Variants in DNAAF9 observed in about 807,000 individuals in gnomAD.
The protein encoded by DNAAF9 is dynein axonemal assembly factor 9.
Under a neutral mutation model 167.0 loss-of-function variants are expected in DNAAF9, and 90 were observed. The ratio of observed to expected loss-of-function variants is 0.54; its 90% CI spans 0.45 to 0.64. DNAAF9 has a LOEUF of 0.64. Among genes scored for constraint, DNAAF9 ranks in the 30% least tolerant of loss-of-function variants. The pLI is 0.00. For synonymous variants in DNAAF9, 491 were observed against 508.8 expected, an observed-to-expected ratio of 0.96 and a Z score of 0.47; for missense variants, 1,315 against 1,442.2, an observed-to-expected ratio of 0.91 and a Z score of 1.43.
At chr20:3,320,319 A>G (rs1397438092) in intron 16 of DNAAF9, among the ~76,000 whole-genome samples, 3 of 152,230 alleles carry the variant, frequency 2.0e-5, no homozygotes, top group African/African-American at 7.2e-5. Flanking sequence ...GTAGGGAGAA[A>G]TCAACAGGGA....
intron 16 of DNAAF9, among the ~76,000 whole-genome samples, chr20:3,318,934 T>A (rs2069557844): frequency 6.7e-6 from 1 of 150,052 alleles, no homozygotes; most frequent in African/African-American, 2.5e-5. Context: ...CAAAAAAAAA[T>A]TAGCCAGGCA....
chr20:3,278,840 G>A (rs1209441019), intron 29 of DNAAF9, 72 bp downstream of exon 29: 6 of 1,140,742 alleles, frequency 5.3e-6, no homozygotes, highest in East Asian at 4.7e-5. Context: ...GTAAGAGCAC[G>A]AAGAAAAGTC....
chr20:3,383,801 C>T (rs114968025), intron 1 of DNAAF9, among the ~76,000 whole-genome samples: 2 of 141,244 alleles, frequency 1.4e-5, no homozygotes, highest in South Asian at 2.2e-4. Flanking sequence ...CCACTGGATT[C>T]TTTTTTTTTT....
rs537312565 is a variant in DNAAF9, at chr20:3,337,000, C to T, written c.981+3504G>A. 7.3e-5 allele frequency among the ~76,000 whole-genome samples: 11 copies of T among 151,612 alleles called. No homozygotes were observed. In the East Asian group the frequency reaches 2.0e-3, roughly 27 times the overall value. On this transcript the variant is annotated intron_variant, in intron 10 of 36. Transcript: ENST00000252032. Reference sequence around the variant, plus strand: ...GTTCACACCGTTCTCCTGCCTCAGCCTCCCAAGTAGCTGGGACTACAGGAG... The same window carrying T: ...GTTCACACCGTTCTCCTGCCTCAGCTTCCCAAGTAGCTGGGACTACAGGAG...
At chr20:3,298,974 T>A (rs943407877) in intron 21 of DNAAF9, among the ~76,000 whole-genome samples, 1 of 148,342 alleles carries the variant, frequency 6.7e-6, no homozygotes. Context: ...AAAAGCATGA[T>A]CTCCGCTCGC....
intron 29 of DNAAF9, among the ~76,000 whole-genome samples, chr20:3,277,701 T>C (rs1466428716): frequency 6.6e-6 from 1 of 152,088 alleles, no homozygotes; most frequent in Non-Finnish European, 1.5e-5. Context: ...GGGTGGATAC[T>C]GTGGATGGAC....
chr20:3,295,392 C>G (rs1371803797), intron 23 of DNAAF9: 1 of 204,404 alleles, frequency 4.9e-6, no homozygotes, highest in African/African-American at 2.4e-5. Flanking sequence ...GTTGGCCAGG[C>G]TGGTCTTGAA....
chr20:3,320,856 G>A (rs1165942031), intron 16 of DNAAF9, among the ~76,000 whole-genome samples: 2 of 152,154 alleles, frequency 1.3e-5, no homozygotes, highest in African/African-American at 4.8e-5. Flanking sequence ...TGGGACCAAA[G>A]CTTTTTCAAA....
chr20:3,358,566 G>A (rs950189200), intron 7 of DNAAF9, among the ~76,000 whole-genome samples: 3 of 152,150 alleles, frequency 2.0e-5, no homozygotes, highest in African/African-American at 7.2e-5. Flanking sequence ...GATAACAGGC[G>A]TGAGCCACTG....
At chr20:3,298,291 G>A in intron 21 of DNAAF9, 116 bp from the exon 22 acceptor site, 1 of 818,856 alleles carries the variant, frequency 1.2e-6, no homozygotes, top group Non-Finnish European at 1.9e-6. Flanking sequence ...ACATTACGTA[G>A]TTCACTGTGG....
At position 3,251,609 on chromosome 20, in the gene DNAAF9, C is replaced by T. The variant is rs2068195994; in HGVS notation, c.*963G>A. 1 of 152,276 alleles carries T rather than the reference C, an allele frequency of 6.6e-6. No homozygotes were observed. Among genetic ancestry groups the T allele is most frequent in the East Asian group, 1.9e-4 (1 of 5,198 alleles). The allele number at this position is 152,276 out of a possible 1,614,324, so 9.4% of individuals were successfully genotyped here. A position where few individuals can be genotyped will look rare whatever the true frequency, so the allele number is the denominator to read the frequency against. On this transcript the variant is annotated 3_prime_UTR_variant, in exon 37 of 37. Coordinates refer to ENST00000252032, the MANE Select transcript of DNAAF9 (RefSeq NM_001009984.3). The stretch of plus-strand genomic sequence containing the variant: ...AGCCACACAAGCCCAGGGCCAGCAA[C>T]AACACTTTGGGGAGCGGGGGGATGA...
At chr20:3,388,968 G>C (rs1047230903) in intron 1 of DNAAF9, among the ~76,000 whole-genome samples, 1 of 152,104 alleles carries the variant, frequency 6.6e-6, no homozygotes, top group Admixed American at 6.6e-5. Context: ...TATTTTTCTT[G>C]TTTTGTTTTG....
intron 29 of DNAAF9, among the ~76,000 whole-genome samples, chr20:3,273,244 T>C (rs1414513518): frequency 6.6e-6 from 1 of 152,196 alleles, no homozygotes; most frequent in Non-Finnish European, 1.5e-5. Context: ...TATTCAGTAA[T>C]GAACACTCTA....
chr20:3,274,849 T>C (rs1235482387), intron 29 of DNAAF9, among the ~76,000 whole-genome samples: 1 of 152,196 alleles, frequency 6.6e-6, no homozygotes, highest in Non-Finnish European at 1.5e-5. Context: ...AACTAAGTCA[T>C]ACAATTTCCA....
intron 4 of DNAAF9, among the ~76,000 whole-genome samples, chr20:3,375,422 G>A (rs536821499): frequency 5.3e-5 from 8 of 152,250 alleles, no homozygotes; most frequent in Admixed American, 2.0e-4. Context: ...AAGTGTTCTT[G>A]ACCAGTATCA....
chr20:3,389,668 G>A (rs2083798954), intron 1 of DNAAF9, among the ~76,000 whole-genome samples: 1 of 151,914 alleles, frequency 6.6e-6, no homozygotes, highest in African/African-American at 2.4e-5. Context: ...AACAGAGAGG[G>A]AAAATTCTTA....
chr20:3,274,856 T>A (rs973180698), intron 29 of DNAAF9, among the ~76,000 whole-genome samples: 1 of 152,162 alleles, frequency 6.6e-6, no homozygotes, highest in African/African-American at 2.4e-5. Flanking sequence ...TCATACAATT[T>A]CCACAAGCCA....
At chr20:3,285,537 G>C (rs187470076) in intron 27 of DNAAF9, among the ~76,000 whole-genome samples, 1 of 152,232 alleles carries the variant, frequency 6.6e-6, no homozygotes, top group South Asian at 2.1e-4. Flanking sequence ...AAATTAGCCA[G>C]GCGTGGTGGT....
chr20:3,323,393 T>C (rs552226716), intron 14 of DNAAF9, among the ~76,000 whole-genome samples: 1 of 149,678 alleles, frequency 6.7e-6, no homozygotes, highest in African/African-American at 2.5e-5. Context: ...GCGATTCTCC[T>C]GCTTCAGCCT....
Sources: gnomAD v4.1 joint callset for allele counts (sites outside exome capture counted in the v4.1 genomes callset) on GRCh38, gnomAD v4.1.1 for gene constraint, MANE v1.5 for transcripts, NCBI Gene and HGNC (gene_info 2026-07-23, HGNC 2026-07-21) for gene names.